Variants in TMEM255B observed in about 807,000 individuals in gnomAD.
The protein encoded by TMEM255B is family with sequence similarity 70, member B.
Under a neutral mutation model 34.5 loss-of-function variants are expected in TMEM255B, and 35 were observed. The ratio of observed to expected loss-of-function variants is 1.01; its 90% CI spans 0.77 to 1.34. TMEM255B has a LOEUF of 1.34. Ranked by LOEUF, TMEM255B falls within the 40% of genes most tolerant of loss-of-function variation. The probability of loss-of-function intolerance (pLI) is 0.00; values close to 1 mark genes in which losing one functional copy is unlikely to be tolerated. For synonymous variants in TMEM255B, 206 were observed against 201.2 expected, an observed-to-expected ratio of 1.02 and a Z score of -0.20; for missense variants, 432 against 433.2, an observed-to-expected ratio of 1.00 and a Z score of 0.02.
In TMEM255B at chr13:113,769,272, A is replaced by T. The variant is rs1192663556; in HGVS notation, c.252+112A>T. The stretch of plus-strand genomic sequence containing the variant: ...CTGCCTCCCCAGCACACTGGTGTCT[A>T]CAGGACCAGCTCTGAGGTTCCCGGG... On this transcript the variant is annotated intron_variant, in intron 3 of 8. Coordinates refer to ENST00000375353, the MANE Select transcript of TMEM255B (RefSeq NM_182614.4). The surrounding 1 kb of genome is among the most constrained non-coding windows in gnomAD (Gnocchi z 4.2). 10 of 1,217,326 alleles carry T rather than the reference A, an allele frequency of 8.2e-6. No individual in the cohort carries two copies. The East Asian group carries it at 2.1e-4, about 26-fold the overall frequency. 75.4% of individuals were successfully genotyped at this position (1,217,326 alleles called of 1,614,324 possible). A position where few individuals can be genotyped will look rare whatever the true frequency, so the allele number is the denominator to read the frequency against.
intron 5 of TMEM255B, 101 bp downstream of exon 5, chr13:113,799,520 C>A: frequency 1.8e-6 from 2 of 1,121,510 alleles, no homozygotes; most frequent in Non-Finnish European, 1.3e-6. Context: ...TATTTTGATT[C>A]TAATAGTTCC....
chr13:113,808,373 A>G (rs2051224484), intron 8 of TMEM255B, among the ~76,000 whole-genome samples: 2 of 152,190 alleles, frequency 1.3e-5, no homozygotes, highest in Admixed American at 6.5e-5. Context: ...ACTAAGAAAC[A>G]TGCCCTCCCT....
chr13:113,804,795 G>T (rs1278586342), intron 7 of TMEM255B, 90 bp from the exon 8 acceptor site: 5 of 1,223,954 alleles, frequency 4.1e-6, no homozygotes, highest in East Asian at 5.3e-5. Context: ...AGAGTCGGGG[G>T]TCGAGGGTGC....
chr13:113,775,749 C>T (rs2050566025), intron 3 of TMEM255B, among the ~76,000 whole-genome samples: 1 of 152,238 alleles, frequency 6.6e-6, no homozygotes, highest in South Asian at 2.1e-4. Flanking sequence ...CGGGGTTGGT[C>T]CTGCCGGGCC....
rs1566741744 is a variant in TMEM255B at position 113,801,661 on chromosome 13, C to T, written c.518C>T (p.Pro173Leu). ...GTGCCCTCTCTGTGCAGCGCAGAGC[C>T]CTCGCCCGCCTACTATGAGTTCATC... ...CDLYACGSAE[P>L]SPAYYEFIGV... is the part of the protein sequence containing the mutation. Residue 173 changes from proline to leucine, a missense_variant, in exon 7 of 9, where the codon CCC becomes CTC. Coordinates refer to ENST00000375353, the MANE Select transcript of TMEM255B (RefSeq NM_182614.4). 1 of 1,608,688 alleles carries T rather than the reference C, an allele frequency of 6.2e-7. No individual in the cohort carries two copies. The highest frequency in any genetic ancestry group is 1.1e-5 in the South Asian group (1 of 90,570).
At position 113,805,015 on chromosome 13, in the gene TMEM255B, C is replaced by G. The variant is rs752168845; in HGVS notation, c.800C>G (p.Pro267Arg). 1 of 1,601,772 alleles carries G rather than the reference C, an allele frequency of 6.2e-7. No homozygotes were observed. Among genetic ancestry groups the G allele is most frequent in the South Asian group, 1.1e-5 (1 of 90,136 alleles). Residue 267 changes from proline to arginine, a missense_variant, in exon 8 of 9, where the codon CCT becomes CGT. Coordinates refer to ENST00000375353, the MANE Select transcript of TMEM255B (RefSeq NM_182614.4). ...PEPVPTCSSYPLPLQPCSRFP... is the reference protein window; with the variant it reads ...PEPVPTCSSYRLPLQPCSRFP... The stretch of plus-strand genomic sequence containing the variant: ...CCCGTCCCGACCTGCTCGTCCTACC[C>G]TCTGCCCCTTCAGGTAGGGCCAGCA...
In TMEM255B at chr13:113,776,774, C is replaced by G. The variant is rs563104870; in HGVS notation, c.252+7614C>G. On this transcript the variant is annotated intron_variant, in intron 3 of 8. Transcript: ENST00000375353. The stretch of plus-strand genomic sequence containing the variant: ...GGCGACCTGTTCCTACCTTGGTTTT[C>G]CCTTGGTTGTCTCCCATCCTGATGC... 2.6e-4 allele frequency among the ~76,000 whole-genome samples: 40 copies of G among 152,260 alleles called. 1 individual carries two copies. The South Asian group carries it at 7.9e-3, about 30-fold the overall frequency.
chr13:113,791,949 C>T (rs2050839705), intron 3 of TMEM255B, among the ~76,000 whole-genome samples: 1 of 152,214 alleles, frequency 6.6e-6, no homozygotes, highest in South Asian at 2.1e-4. Context: ...ACGCAGCCCC[C>T]TGATCCAGGC....
intron 8 of TMEM255B, among the ~76,000 whole-genome samples, chr13:113,808,258 A>G (rs2051222192): frequency 6.6e-6 from 1 of 152,212 alleles, no homozygotes. Flanking sequence ...GTTAATAAAA[A>G]GGACAATTTA....
At position 113,775,901 on chromosome 13, in the gene TMEM255B, C is replaced by T. The variant is rs1013386052; in HGVS notation, c.252+6741C>T. Reference sequence around the variant, plus strand: ...CCGCCCAGGGACCATGGGACCCCTGCGGCCCCACAGGTGGCTTGAGTCAGA... The same window carrying T: ...CCGCCCAGGGACCATGGGACCCCTGTGGCCCCACAGGTGGCTTGAGTCAGA... On this transcript the variant is annotated intron_variant, in intron 3 of 8. Coordinates refer to ENST00000375353, the MANE Select transcript of TMEM255B (RefSeq NM_182614.4). 5.3e-5 allele frequency among the ~76,000 whole-genome samples: 8 copies of T among 152,224 alleles called. No individual in the cohort carries two copies. In the East Asian group the frequency reaches 9.6e-4, roughly 18 times the overall value.
rs772297636 is a variant in TMEM255B at position 113,766,146 on chromosome 13, C to G, written c.78C>G (p.Leu26=). Residue 26 remains leucine (L), a synonymous_variant, in exon 2 of 9, where the codon CTC becomes CTG. Coordinates refer to ENST00000375353, the MANE Select transcript of TMEM255B (RefSeq NM_182614.4). ...TTTCGAGGAGGAAGAAGACGTCGCT[C>G]TGGTTTGTGGGGTCTCTGCTGCTGG... ...EGLSRRKKTS[L]WFVGSLLLVS... The G allele has an allele frequency of 5.0e-6, 8 of 1,614,222 alleles. No homozygotes were observed. The highest frequency in any genetic ancestry group is 6.8e-6 in the Non-Finnish European group (8 of 1,180,036).
rs966100616 is a variant in TMEM255B, at chr13:113,799,562, G to A, written c.423+143G>A. On this transcript the variant is annotated intron_variant, in intron 5 of 8. Transcript: ENST00000375353. ...TCACCCCTGCAGCTGGTGAACCGTT[G>A]ATGCCCCCTGTGTTTGGGACCTTGA... 5.5e-6 allele frequency: 4 copies of A among 723,866 alleles called. No homozygotes were observed. In the African/African-American group the frequency reaches 7.1e-5, roughly 13 times the overall value. 44.8% of individuals were successfully genotyped at this position (723,866 alleles called of 1,614,324 possible). A position where few individuals can be genotyped will look rare whatever the true frequency, so the allele number is the denominator to read the frequency against.
chr13:113,790,923 A>G (rs1283815260), intron 3 of TMEM255B, among the ~76,000 whole-genome samples: 4 of 152,260 alleles, frequency 2.6e-5, no homozygotes, highest in Non-Finnish European at 5.9e-5. Flanking sequence ...TCACACTGAA[A>G]GAGCGGGAGG....
intron 4 of TMEM255B, among the ~76,000 whole-genome samples, chr13:113,798,259 A>G (rs2050976671): frequency 6.6e-6 from 1 of 151,034 alleles, no homozygotes; most frequent in African/African-American, 2.4e-5. Context: ...TGGATGATGG[A>G]TGGATAGATA....
intron 3 of TMEM255B, among the ~76,000 whole-genome samples, chr13:113,789,737 G>C (rs2050796366): frequency 6.6e-6 from 1 of 152,182 alleles, no homozygotes; most frequent in Admixed American, 6.5e-5. Context: ...CATGTACATG[G>C]ACATCCTAGC....
Position 113,811,944 on chromosome 13 carries a change from T to TAA in TMEM255B, c.*41_*42insAA, listed in dbSNP as rs748900324. 96 of 1,473,200 alleles carry TAA rather than the reference T, an allele frequency of 6.5e-5. No individual in the cohort carries two copies. In the African/African-American group the frequency reaches 9.0e-4, roughly 14 times the overall value. 91.3% of individuals were successfully genotyped at this position (1,473,200 alleles called of 1,614,324 possible). ...AAAGATAACTTGTTTGTTTTTTTTT[T>TAA]TAAAAAAAAGGCAGCCTCTAGAAAT... On this transcript the variant is annotated 3_prime_UTR_variant, in exon 9 of 9. Transcript: ENST00000375353.
intron 3 of TMEM255B, among the ~76,000 whole-genome samples, chr13:113,785,725 C>T (rs192039796): frequency 3.9e-5 from 6 of 152,314 alleles, no homozygotes; most frequent in Admixed American, 2.0e-4. Flanking sequence ...CCACTCTGGA[C>T]GTGACTGTGG....
chr13:113,766,399 G>GC (rs1566719760), intron 2 of TMEM255B, 142 bp downstream of exon 2: 1 of 1,211,416 alleles, frequency 8.3e-7, no homozygotes, highest in Admixed American at 1.9e-5. Flanking sequence ...CAGGGTTATG[G>GC]CCCCCACAGA....
chr13:113,759,293 C>G lies in TMEM255B; in HGVS notation c.24C>G (p.Pro8=). The change falls in exon 1 of 9, where the codon CCC becomes CCG. Residue 8 remains proline (P), a synonymous_variant. Transcript: ENST00000375353. ...GGATGCAGCCGCCGGTGCCCGGGCCCCTGGGCCTGCTGGACCCCGCAGGTG... is the reference window on the plus strand; with the variant it reads ...GGATGCAGCCGCCGGTGCCCGGGCCGCTGGGCCTGCTGGACCCCGCAGGTG... The part of the protein sequence containing the change: MQPPVPG[P]LGLLDPAEGL... 1 of 1,229,224 alleles carries G rather than the reference C, an allele frequency of 8.1e-7. No homozygotes were observed. Among genetic ancestry groups the G allele is most frequent in the Non-Finnish European group, 1.0e-6 (1 of 986,324 alleles). 76.1% of individuals were successfully genotyped at this position (1,229,224 alleles called of 1,614,324 possible).
Sources: gnomAD v4.1 joint callset for allele counts (sites outside exome capture counted in the v4.1 genomes callset) on GRCh38, gnomAD v4.1.1 for gene constraint, Gnocchi (gnomAD v3.1) non-coding constraint, MANE v1.5 for transcripts, NCBI Gene and HGNC (gene_info 2026-07-23, HGNC 2026-07-21) for gene names.